The following PNPLA3 variants were observed in gnomAD, a reference collection of about 807,000 sequenced individuals.
PNPLA3 encodes the protein patatin like domain 3, 1-acylglycerol-3-phosphate O-acyltransferase, also known as 1-acylglycerol-3-phosphate O-acyltransferase PNPLA3.
PNPLA3 carries 42 observed loss-of-function variants against 43.1 expected under a neutral mutation model. The ratio of observed to expected loss-of-function variants is 0.97; its 90% CI spans 0.76 to 1.26. The LOEUF (loss-of-function observed/expected upper bound fraction) is 1.26. Ranked by LOEUF, PNPLA3 falls within the 50% of genes most tolerant of loss-of-function variation. The pLI, the probability that PNPLA3 is intolerant of heterozygous loss-of-function variation, is 0.00. For synonymous variants in PNPLA3, 272 were observed against 253.6 expected, an observed-to-expected ratio of 1.07 and a Z score of -0.69; for missense variants, 647 against 621.4, an observed-to-expected ratio of 1.04 and a Z score of -0.44.
chr22:43,927,156 G>C lies in PNPLA3; in HGVS notation c.409G>C (p.Glu137Gln), dbSNP rs779127153. ...GGTGTCTGACTTTCGGTCCAAAGAC[G>C]AAGTCGTGGATGTAAGCAGTTTGCT... The part of the protein sequence containing the change: ...VLVSDFRSKD[E>Q]VVDALVCSCF... Residue 137 changes from glutamate to glutamine, a missense_variant, in exon 2 of 9, where the codon GAA becomes CAA. Physicochemically the swap from Glu to Gln is conservative, Grantham distance 29. Coordinates refer to ENST00000216180, the MANE Select transcript of PNPLA3 (RefSeq NM_025225.3). The C allele has an allele frequency of 1.7e-5, 28 of 1,613,824 alleles. No homozygotes were observed. Among genetic ancestry groups the C allele is most frequent in the Non-Finnish European group, 2.4e-5 (28 of 1,179,846 alleles).
intron 3 of PNPLA3, 23 bp downstream of exon 3, chr22:43,928,912 C>A (rs755756823): frequency 1.3e-6 from 2 of 1,593,274 alleles, no homozygotes; most frequent in Non-Finnish European, 1.7e-6. Context: ...TCTCTGCTAG[C>A]GCTGAGTCCT....
intron 3 of PNPLA3, among the ~76,000 whole-genome samples, chr22:43,929,588 T>A (rs958297473): frequency 1.3e-5 from 2 of 148,856 alleles, no homozygotes; most frequent in African/African-American, 4.9e-5. Flanking sequence ...ATATATATAT[T>A]TTTTTCTTTT....
Position 43,926,953 on chromosome 22 carries a change from T to C in PNPLA3, c.206T>C (p.Leu69Pro). Residue 69 changes from leucine to proline, a missense_variant, in exon 2 of 9, where the codon CTC becomes CCC. Coordinates refer to ENST00000216180, the MANE Select transcript of PNPLA3 (RefSeq NM_025225.3). ...TCCCCAGAGCAGACTCTGCAGGTCC[T>C]CTCAGATCTTGTGCGGAAGGCCAGG... is the stretch of plus-strand genomic sequence containing the variant. ...GIPLEQTLQV[L>P]SDLVRKARSR... The C allele has an allele frequency of 1.2e-6, 2 of 1,614,194 alleles. No homozygotes were observed.
chr22:43,925,806 C>G (rs1246769767), intron 1 of PNPLA3, among the ~76,000 whole-genome samples: 1 of 152,220 alleles, frequency 6.6e-6, no homozygotes, highest in African/African-American at 2.4e-5. Context: ...CCAAGGTGGC[C>G]TGTGGACACC....
chr22:43,939,317 A>G (rs2050016034), intron 6 of PNPLA3: 2 of 885,676 alleles, frequency 2.3e-6, no homozygotes, highest in Non-Finnish European at 2.7e-6. Flanking sequence ...CTTACACACC[A>G]TTTTCTATTT....
intron 8 of PNPLA3, 41 bp from the exon 9 acceptor site, chr22:43,946,113 G>A: frequency 3.2e-6 from 5 of 1,584,134 alleles, no homozygotes; most frequent in Non-Finnish European, 4.3e-6. Flanking sequence ...CACTGCAGCA[G>A]CGGGAACGGC....
chr22:43,933,453 C>A (rs1390113696), intron 4 of PNPLA3, among the ~76,000 whole-genome samples: 1 of 152,106 alleles, frequency 6.6e-6, no homozygotes, highest in Non-Finnish European at 1.5e-5. Flanking sequence ...GTGGTGCAAT[C>A]ATAGCTCACT....
At chr22:43,937,815 T>G (rs1410621860) in intron 6 of PNPLA3, among the ~76,000 whole-genome samples, 1 of 152,190 alleles carries the variant, frequency 6.6e-6, no homozygotes, top group African/African-American at 2.4e-5. Flanking sequence ...GGTGCTGTAT[T>G]TTATAATGTC....
chr22:43,924,314 G>A (rs2049907185), intron 1 of PNPLA3: 1 of 577,496 alleles, frequency 1.7e-6, no homozygotes, highest in Non-Finnish European at 2.8e-6. Context: ...CGAGCGGTCC[G>A]GGCCGAAGCC....
chr22:43,924,430 T>G (rs1603415500), intron 1 of PNPLA3: 2 of 306,122 alleles, frequency 6.5e-6, no homozygotes, highest in Non-Finnish European at 1.2e-5. Context: ...CGACGGGGAG[T>G]AGGGAGCGGG....
chr22:43,942,503 A>G (rs2050037265), intron 7 of PNPLA3, among the ~76,000 whole-genome samples: 1 of 152,144 alleles, frequency 6.6e-6, no homozygotes, highest in African/African-American at 2.4e-5. Context: ...ACTTCTTTGC[A>G]GGTGAGTGCT....
intron 1 of PNPLA3, among the ~76,000 whole-genome samples, chr22:43,925,477 C>T (rs2049916184): frequency 1.3e-5 from 2 of 152,058 alleles, no homozygotes; most frequent in African/African-American, 2.4e-5. Context: ...GGAGATTATG[C>T]CCCCATTAGC....
At chr22:43,931,609 G>A (rs2049962098) in intron 3 of PNPLA3, among the ~76,000 whole-genome samples, 1 of 152,132 alleles carries the variant, frequency 6.6e-6, no homozygotes, top group South Asian at 2.1e-4. Flanking sequence ...CTCGGCTCCT[G>A]GGTTTAAGCG....
At chr22:43,940,191 G>C in intron 7 of PNPLA3, 66 bp downstream of exon 7, 1 of 1,529,938 alleles carries the variant, frequency 6.5e-7, no homozygotes, top group Non-Finnish European at 9.0e-7. Flanking sequence ...CAAGATGATA[G>C]ATCATGGTGG....
In PNPLA3 at chr22:43,928,829, G is replaced by T. The variant is rs2146776375; in HGVS notation, c.426G>T (p.Leu142Phe). 1.2e-6 allele frequency: 2 copies of T among 1,609,784 alleles called. No individual in the cohort carries two copies. The highest frequency in any genetic ancestry group is 1.3e-5 in the African/African-American group (1 of 74,952). ...TCTCTCCTTTGCTTTCACAGGCCTT[G>T]GTATGTTCCTGCTTCATCCCCTTCT... ...FRSKDEVVDA[L>F]VCSCFIPFYS... The change falls in exon 3 of 9, where the codon TTG (leucine) becomes TTT (phenylalanine). Residue 142 changes from leucine (L) to phenylalanine (F), a missense_variant. Transcript: ENST00000216180.
intron 7 of PNPLA3, among the ~76,000 whole-genome samples, chr22:43,942,260 A>T (rs574746629): frequency 7.9e-5 from 12 of 152,204 alleles, no homozygotes; most frequent in Non-Finnish European, 1.5e-4. Context: ...CCACTGTGCC[A>T]TGCATGGATC....
In PNPLA3 at chr22:43,947,302, T is replaced by C. The variant is rs1011854176; in HGVS notation, c.*920T>C. The stretch of plus-strand genomic sequence containing the variant: ...TGAACCCAGGAGGCGGAGGTTGCGG[T>C]GAGCTGAGATTGCACCATTTCATTC... On this transcript the variant is annotated 3_prime_UTR_variant, in exon 9 of 9. Transcript: ENST00000216180. 1 of 152,678 alleles carries C rather than the reference T, an allele frequency of 6.5e-6. No homozygotes were observed. The highest frequency in any genetic ancestry group is 1.4e-5 in the Non-Finnish European group (1 of 68,988). 9.5% of individuals were successfully genotyped at this position (152,678 alleles called of 1,614,324 possible). A position where few individuals can be genotyped will look rare whatever the true frequency, so the allele number is the denominator to read the frequency against.
chr22:43,946,591 G>A lies in PNPLA3; in HGVS notation c.*209G>A, dbSNP rs1175924737. ...ACTTAACTCTAATACATCAGCATGCGTTAATTCAGCTGGTTGGGAAATGAC... is the reference window on the plus strand; with the variant it reads ...ACTTAACTCTAATACATCAGCATGCATTAATTCAGCTGGTTGGGAAATGAC... On this transcript the variant is annotated 3_prime_UTR_variant, in exon 9 of 9. Coordinates refer to ENST00000216180, the MANE Select transcript of PNPLA3 (RefSeq NM_025225.3). 7 of 715,106 alleles carry A rather than the reference G, an allele frequency of 9.8e-6. No homozygotes were observed. The highest frequency in any genetic ancestry group is 5.2e-5 in the African/African-American group (3 of 58,132). 44.3% of individuals were successfully genotyped at this position (715,106 alleles called of 1,614,324 possible). A position where few individuals can be genotyped will look rare whatever the true frequency, so the allele number is the denominator to read the frequency against.
chr22:43,938,325 C>T (rs2050009369), intron 6 of PNPLA3, among the ~76,000 whole-genome samples: 1 of 152,144 alleles, frequency 6.6e-6, no homozygotes, highest in African/African-American at 2.4e-5. Context: ...ACAGCAGCTG[C>T]CCAGGTGCAT....
Sources: gnomAD v4.1 joint callset for allele counts (sites outside exome capture counted in the v4.1 genomes callset) on GRCh38, gnomAD v4.1.1 for gene constraint, MANE v1.5 for transcripts, NCBI Gene and HGNC (gene_info 2026-07-23, HGNC 2026-07-21) for gene names.